The following ARL15 variants were observed in gnomAD, a reference collection of about 807,000 sequenced individuals.
ARL15 encodes the protein ARF like GTPase 15.
Under a neutral mutation model 25.2 loss-of-function variants are expected in ARL15, and 19 were observed. That is an observed-to-expected ratio of 0.75 (90% confidence interval 0.53 to 1.10). The LOEUF (loss-of-function observed/expected upper bound fraction) is 1.10, where lower values mean the gene tolerates loss of function less well. ARL15 is among the 50% of genes least tolerant of loss of function. ARL15 has a pLI of 0.00. For synonymous variants in ARL15, 94 were observed against 86.8 expected, an observed-to-expected ratio of 1.08 and a Z score of -0.46; for missense variants, 220 against 246.0, an observed-to-expected ratio of 0.89 and a Z score of 0.71.
intron 4 of ARL15, among the ~76,000 whole-genome samples, chr5:54,081,560 C>G (rs1751796316): frequency 6.6e-6 from 1 of 152,072 alleles, no homozygotes; most frequent in Admixed American, 6.6e-5. Context: ...AAGGTGGTTT[C>G]CCCCATGCTC....
rs1754465268 is a variant in ARL15, at chr5:54,163,355, G to GT, written c.193+8428_193+8429insA. 2.1e-3 allele frequency among the ~76,000 whole-genome samples: 108 copies of GT among 51,342 alleles called. 23 individuals carry two copies. The highest frequency in any genetic ancestry group is 5.1e-3 in the African/African-American group (62 of 12,068). The allele number at this position is 51,342 out of a possible 152,430, so 33.7% of individuals were successfully genotyped here. The stretch of plus-strand genomic sequence containing the variant: ...TGTCCATGAGGGCTATTGGTATGAA[G>GT]CTTTTTTTTTTTTTTTTTTTTTTTT... On this transcript the variant is annotated intron_variant, in intron 2 of 4. Coordinates refer to ENST00000504924, the MANE Select transcript of ARL15 (RefSeq NM_019087.3).
At chr5:54,000,086 CA>C (rs1213545560) in intron 4 of ARL15, among the ~76,000 whole-genome samples, 2 of 151,752 alleles carry the variant, frequency 1.3e-5, no homozygotes, top group Non-Finnish European at 2.9e-5. Flanking sequence ...AAAAAATTAG[CA>C]AAAAAGAAAA....
At chr5:53,901,190 T>C (rs1194671672) in intron 4 of ARL15, among the ~76,000 whole-genome samples, 1 of 152,136 alleles carries the variant, frequency 6.6e-6, no homozygotes. Flanking sequence ...TGTCAATCAT[T>C]TCCACTCCAC....
intron 1 of ARL15, among the ~76,000 whole-genome samples, chr5:54,229,151 A>G (rs73754502): frequency 0.016 from 2,509 of 152,264 alleles, 78 homozygotes; most frequent in African/African-American, 0.058. Context: ...AACCATGGTG[A>G]CATTTCCTTT....
At chr5:54,057,273 C>T (rs1262492871) in intron 4 of ARL15, among the ~76,000 whole-genome samples, 4 of 152,142 alleles carry the variant, frequency 2.6e-5, no homozygotes, top group Non-Finnish European at 1.5e-5. Context: ...CTAGTATTTT[C>T]TGTCTGATAT....
intron 4 of ARL15, among the ~76,000 whole-genome samples, chr5:54,085,891 C>T (rs528248558): frequency 4.6e-5 from 7 of 151,420 alleles, no homozygotes; most frequent in African/African-American, 1.7e-4. Flanking sequence ...TCCTAAGCGT[C>T]CCATGGCTCC....
chr5:53,970,845 C>T (rs1315465429), intron 4 of ARL15, among the ~76,000 whole-genome samples: 1 of 152,148 alleles, frequency 6.6e-6, no homozygotes, highest in African/African-American at 2.4e-5. Context: ...TGCATTCCTT[C>T]TGAATAAATG....
At chr5:54,194,459 G>C (rs1271442542) in intron 1 of ARL15, among the ~76,000 whole-genome samples, 1 of 151,752 alleles carries the variant, frequency 6.6e-6, no homozygotes, top group African/African-American at 2.4e-5. Flanking sequence ...AAGTATTTTG[G>C]CCCTAAAACA....
At chr5:54,204,443 T>C (rs1235734408) in intron 1 of ARL15, among the ~76,000 whole-genome samples, 1 of 152,148 alleles carries the variant, frequency 6.6e-6, no homozygotes, top group Admixed American at 6.6e-5. Context: ...ATAAATAAGG[T>C]AAGACTTTTG....
At chr5:53,909,396 T>TA (rs1413666705) in intron 4 of ARL15, among the ~76,000 whole-genome samples, 29 of 152,238 alleles carry the variant, frequency 1.9e-4, no homozygotes, top group Admixed American at 1.4e-3. Flanking sequence ...TTTTGTATTT[T>TA]AAAAAAACTA....
In ARL15 at chr5:54,172,276, A is replaced by G. The variant is rs1289901663; in HGVS notation, c.49-348T>C. 1.2e-4 allele frequency among the ~76,000 whole-genome samples: 19 copies of G among 152,350 alleles called. No homozygotes were observed. The East Asian group carries it at 3.3e-3, about 26-fold the overall frequency. ...ATAAAGCCAATCTAAGGAGTATTCC[A>G]TAAGGCAACTGGCCTGTTCTCCTCC... On this transcript the variant is annotated intron_variant, in intron 1 of 4. Transcript: ENST00000504924.
chr5:54,310,154 G>A, intron 1 of ARL15: 1 of 415,196 alleles, frequency 2.4e-6, no homozygotes. Flanking sequence ...GGGACGCGCC[G>A]CCGCGGCCGC....
intron 1 of ARL15, among the ~76,000 whole-genome samples, chr5:54,268,083 T>TC (rs1170407525): frequency 1.3e-5 from 2 of 152,038 alleles, no homozygotes; most frequent in Non-Finnish European, 2.9e-5. Flanking sequence ...GGTTCCATTC[T>TC]CCCCGTCACT....
At chr5:54,143,825 G>C (rs1223104196) in intron 3 of ARL15, among the ~76,000 whole-genome samples, 1 of 151,918 alleles carries the variant, frequency 6.6e-6, no homozygotes, top group African/African-American at 2.4e-5. Context: ...TTTATTATAT[G>C]AGCTGAATAG....
chr5:54,032,530 C>T (rs377309301), intron 4 of ARL15, among the ~76,000 whole-genome samples: 4 of 151,952 alleles, frequency 2.6e-5, no homozygotes, highest in South Asian at 2.1e-4. Flanking sequence ...CCACTGCACC[C>T]GGCTTGTTTA....
At position 53,901,843 on chromosome 5, in the gene ARL15, C is replaced by T. The variant is rs1018061428; in HGVS notation, c.463-15130G>A. Among the ~76,000 whole-genome samples the T allele has an allele frequency of 2.0e-5, 3 of 152,294 alleles. No individual in the cohort carries two copies. In the East Asian group the frequency reaches 5.8e-4, roughly 29 times the overall value. On this transcript the variant is annotated intron_variant, in intron 4 of 4. Transcript: ENST00000504924. ...CACAGTTGGATTATTCCTCCTTTGC[C>T]TTGCTAAAAGCTTAGACTGGGATGG...
chr5:54,192,298 C>T (rs537576708), intron 1 of ARL15, among the ~76,000 whole-genome samples: 1 of 151,074 alleles, frequency 6.6e-6, no homozygotes, highest in Non-Finnish European at 1.5e-5. Context: ...TGCAACCTTT[C>T]CCACCACAAC....
intron 1 of ARL15, among the ~76,000 whole-genome samples, chr5:54,240,521 C>T (rs930218489): frequency 6.6e-6 from 1 of 152,088 alleles, no homozygotes; most frequent in Non-Finnish European, 1.5e-5. Flanking sequence ...GATTGTGTTG[C>T]CTAACATACT....
chr5:54,259,815 AT>A (rs1439085391), intron 1 of ARL15, among the ~76,000 whole-genome samples: 1 of 152,220 alleles, frequency 6.6e-6, no homozygotes, highest in Non-Finnish European at 1.5e-5. Flanking sequence ...TTGCTTTACA[AT>A]GAGCAAAAAT....
Sources: gnomAD v4.1 joint callset for allele counts (sites outside exome capture counted in the v4.1 genomes callset) on GRCh38, gnomAD v4.1.1 for gene constraint, MANE v1.5 for transcripts, NCBI Gene and HGNC (gene_info 2026-07-23, HGNC 2026-07-21) for gene names.